GUCY1A2: variants seen among roughly 807,000 people sequenced by gnomAD.
GUCY1A2 encodes the protein guanylate cyclase 1 soluble subunit alpha 2.
Under a neutral mutation model 63.5 loss-of-function variants are expected in GUCY1A2, and 27 were observed. The observed-to-expected ratio is 0.43, with a 90% CI of 0.31 to 0.59. The LOEUF (loss-of-function observed/expected upper bound fraction) is 0.59, where lower values mean the gene tolerates loss of function less well. Ranked by LOEUF, GUCY1A2 falls within the 20% of genes least tolerant of loss-of-function variation. The probability of loss-of-function intolerance (pLI) is 0.11; values close to 1 mark genes in which losing one functional copy is unlikely to be tolerated. For synonymous variants in GUCY1A2, 364 were observed against 343.5 expected, an observed-to-expected ratio of 1.06 and a Z score of -0.66; for missense variants, 768 against 913.3, an observed-to-expected ratio of 0.84 and a Z score of 2.05.
At chr11:106,949,463 G>C (rs148437790) in intron 3 of GUCY1A2, among the ~76,000 whole-genome samples, 1 of 148,916 alleles carries the variant, frequency 6.7e-6, no homozygotes, top group East Asian at 2.1e-4. Context: ...TTTTTAACTA[G>C]GATTCTGTTC....
rs551047724 is a variant in GUCY1A2, at chr11:106,708,758, A to C, written c.1837-92T>G. ...AAGGCACTGCTAATTAATAATAATA[A>C]TAATAAAAAAAAACTATGAGCTCCT... On this transcript the variant is annotated intron_variant, in intron 6 of 7. Coordinates refer to ENST00000526355, the MANE Select transcript of GUCY1A2 (RefSeq NM_000855.3). 2.0e-5 allele frequency: 15 copies of C among 750,888 alleles called. No individual in the cohort carries two copies. In the East Asian group the frequency reaches 4.4e-4, roughly 22 times the overall value. 46.5% of individuals were successfully genotyped at this position (750,888 alleles called of 1,614,324 possible). A position where few individuals can be genotyped will look rare whatever the true frequency, so the allele number is the denominator to read the frequency against.
At chr11:106,832,894 T>A (rs554936867) in intron 4 of GUCY1A2, among the ~76,000 whole-genome samples, 1 of 152,248 alleles carries the variant, frequency 6.6e-6, no homozygotes, top group East Asian at 1.9e-4. Flanking sequence ...GCTCAGCACC[T>A]ACTATTGTCC....
chr11:106,685,765 G>T lies in GUCY1A2; in HGVS notation c.*1784C>A, dbSNP rs4598642. 1.8e-5 allele frequency: 4 copies of T among 226,922 alleles called. No homozygotes were observed. Among genetic ancestry groups the T allele is most frequent in the African/African-American group, 2.2e-5 (1 of 44,976 alleles). The allele number at this position is 226,922 out of a possible 1,614,324, so 14.1% of individuals were successfully genotyped here. On this transcript the variant is annotated 3_prime_UTR_variant, in exon 8 of 8. Transcript: ENST00000526355. ...GAAGAGGGGGTCAGGCAAAGGTTTA[G>T]AGCTCAAGGTCTATTTCCTGTCTTC... is the stretch of plus-strand genomic sequence containing the variant.
rs369826316 is a variant in GUCY1A2, at chr11:106,678,537, T to C, written c.*9012A>G. The C allele has an allele frequency of 4.6e-4, 98 of 213,280 alleles. No homozygotes were observed. The highest frequency in any genetic ancestry group is 2.1e-3 in the African/African-American group (94 of 44,308). The allele number at this position is 213,280 out of a possible 1,614,324, so 13.2% of individuals were successfully genotyped here. A position where few individuals can be genotyped will look rare whatever the true frequency, so the allele number is the denominator to read the frequency against. ...AGTGATATTGACCATGAAGAAATAG[T>C]TCTTGGGAGGCAATAAAAGTAGAAT... is the stretch of plus-strand genomic sequence containing the variant. On this transcript the variant is annotated 3_prime_UTR_variant, in exon 8 of 8. Coordinates refer to ENST00000526355, the MANE Select transcript of GUCY1A2 (RefSeq NM_000855.3).
intron 4 of GUCY1A2, among the ~76,000 whole-genome samples, chr11:106,938,474 C>T (rs933163392): frequency 6.6e-6 from 1 of 152,060 alleles, no homozygotes; most frequent in African/African-American, 2.4e-5. Flanking sequence ...CCTGTCATTT[C>T]TAATAGCTAA....
At chr11:106,987,875 G>A (rs760807303) in intron 1 of GUCY1A2, among the ~76,000 whole-genome samples, 89 of 152,118 alleles carry the variant, frequency 5.9e-4, no homozygotes, top group Non-Finnish European at 1.1e-3. Context: ...ACATTACCAC[G>A]TAGGAGAACC....
chr11:106,714,212 A>G (rs1478043225), intron 6 of GUCY1A2, among the ~76,000 whole-genome samples: 1 of 152,084 alleles, frequency 6.6e-6, no homozygotes, highest in Non-Finnish European at 1.5e-5. Context: ...AGGGTCATAG[A>G]GAGGAACAGT....
intron 3 of GUCY1A2, among the ~76,000 whole-genome samples, chr11:106,976,551 T>TA (rs1195880704): frequency 6.6e-6 from 1 of 152,200 alleles, no homozygotes; most frequent in African/African-American, 2.4e-5. Flanking sequence ...TCAAGAGTTC[T>TA]AAAAAGACAT....
chr11:106,750,828 T>C (rs1863870770), intron 6 of GUCY1A2, among the ~76,000 whole-genome samples: 1 of 152,030 alleles, frequency 6.6e-6, no homozygotes, highest in Non-Finnish European at 1.5e-5. Flanking sequence ...TTCTTTTCTC[T>C]TGCGAAATCT....
At position 106,684,951 on chromosome 11, in the gene GUCY1A2, T is replaced by C. The variant is rs1001026652; in HGVS notation, c.*2598A>G. The C allele has an allele frequency of 4.9e-6, 1 of 202,826 alleles. No individual in the cohort carries two copies. Among genetic ancestry groups the C allele is most frequent in the Non-Finnish European group, 1.0e-5 (1 of 98,818 alleles). 12.6% of individuals were successfully genotyped at this position (202,826 alleles called of 1,614,324 possible). A position where few individuals can be genotyped will look rare whatever the true frequency, so the allele number is the denominator to read the frequency against. ...TTGTGTAGGACAAATAAAAATATAA[T>C]TTTTTCTCCATCTTCTAACTTCTGT... On this transcript the variant is annotated 3_prime_UTR_variant, in exon 8 of 8. Coordinates refer to ENST00000526355, the MANE Select transcript of GUCY1A2 (RefSeq NM_000855.3).
chr11:106,892,803 G>C lies in GUCY1A2; in HGVS notation c.1206+46657C>G, dbSNP rs189102429. ...ATTATCCAATGTGTAGAAAATGTTT[G>C]GGGTTTGCAAGAAACTTGTATTCAG... On this transcript the variant is annotated intron_variant, in intron 4 of 7. Coordinates refer to ENST00000526355, the MANE Select transcript of GUCY1A2 (RefSeq NM_000855.3). Among the ~76,000 whole-genome samples the C allele has an allele frequency of 3.0e-3, 451 of 152,170 alleles. 4 individuals are homozygous for C. The highest frequency in any genetic ancestry group is 0.01 in the African/African-American group (417 of 41,518).
chr11:107,016,696 G>A (rs1258022570), intron 1 of GUCY1A2, among the ~76,000 whole-genome samples: 1 of 152,220 alleles, frequency 6.6e-6, no homozygotes, highest in Non-Finnish European at 1.5e-5. Flanking sequence ...AAAGGATGAG[G>A]TGCAGGTGCA....
intron 4 of GUCY1A2, among the ~76,000 whole-genome samples, chr11:106,862,970 T>C (rs1327872027): frequency 2.0e-5 from 3 of 152,074 alleles, no homozygotes; most frequent in African/African-American, 4.8e-5. Flanking sequence ...CTTTAGGGCA[T>C]TTGTGAATCA....
chr11:106,928,073 C>G (rs532395813), intron 4 of GUCY1A2, among the ~76,000 whole-genome samples: 1 of 152,162 alleles, frequency 6.6e-6, no homozygotes, highest in African/African-American at 2.4e-5. Flanking sequence ...ATTGTTAGAT[C>G]TACACCTACC....
intron 5 of GUCY1A2, among the ~76,000 whole-genome samples, chr11:106,808,558 C>G (rs918744641): frequency 3.9e-5 from 6 of 151,918 alleles, no homozygotes; most frequent in African/African-American, 1.5e-4. Context: ...TCAGGGATTC[C>G]CATGTTTTTT....
In GUCY1A2 at chr11:106,685,156, C is replaced by T. The variant is rs187393564; in HGVS notation, c.*2393G>A. 168 of 205,782 alleles carry T rather than the reference C, an allele frequency of 8.2e-4. 1 individual carries two copies. The highest frequency in any genetic ancestry group is 3.1e-3 in the Admixed American group (52 of 16,814). The allele number at this position is 205,782 out of a possible 1,614,324, so 12.7% of individuals were successfully genotyped here. ...AATGTATGAAAAATGTAGTTGACATCCTGTCAGTGATAAATAAGAAATCTC... is the reference window on the plus strand; with the variant it reads ...AATGTATGAAAAATGTAGTTGACATTCTGTCAGTGATAAATAAGAAATCTC... On this transcript the variant is annotated 3_prime_UTR_variant, in exon 8 of 8. Coordinates refer to ENST00000526355, the MANE Select transcript of GUCY1A2 (RefSeq NM_000855.3).
At position 106,729,663 on chromosome 11, in the gene GUCY1A2, C is replaced by G. The variant is rs576669223; in HGVS notation, c.1837-20997G>C. Reference sequence around the variant, plus strand: ...CAGCAAAAAATGATTCCCTCAATGACAAAATAGCTGTTTTTGTAAATTTAG... The same window carrying G: ...CAGCAAAAAATGATTCCCTCAATGAGAAAATAGCTGTTTTTGTAAATTTAG... On this transcript the variant is annotated intron_variant, in intron 6 of 7. Transcript: ENST00000526355. Among the ~76,000 whole-genome samples, 17 of 152,080 alleles carry G rather than the reference C, an allele frequency of 1.1e-4. No homozygotes were observed. In the South Asian group the frequency reaches 3.1e-3, roughly 28 times the overall value.
chr11:106,744,714 TC>T (rs372746208), intron 6 of GUCY1A2, among the ~76,000 whole-genome samples: 41 of 152,212 alleles, frequency 2.7e-4, no homozygotes, highest in African/African-American at 7.9e-4. Flanking sequence ...TCCCCAACAT[TC>T]AAAAATAGTA....
At chr11:106,838,238 C>T (rs1057180360) in intron 4 of GUCY1A2, among the ~76,000 whole-genome samples, 1 of 151,886 alleles carries the variant, frequency 6.6e-6, no homozygotes, top group African/African-American at 2.4e-5. Context: ...TGTCTCCGTG[C>T]CTTACCCCCT....
Sources: gnomAD v4.1 joint callset for allele counts (sites outside exome capture counted in the v4.1 genomes callset) on GRCh38, gnomAD v4.1.1 for gene constraint, MANE v1.5 for transcripts, NCBI Gene and HGNC (gene_info 2026-07-23, HGNC 2026-07-21) for gene names.